WDR11: variants seen among roughly 807,000 people sequenced by gnomAD.
WDR11 encodes the protein WD repeat-containing protein 11.
A neutral mutation model predicts 151.2 loss-of-function variants in WDR11; 83 were observed. The ratio of observed to expected loss-of-function variants is 0.55; its 90% CI spans 0.46 to 0.66. The LOEUF is 0.66. Ranked by LOEUF, WDR11 falls within the 30% of genes least tolerant of loss-of-function variation. The pLI, the probability that WDR11 is intolerant of heterozygous loss-of-function variation, is 0.00. For synonymous variants in WDR11, 484 were observed against 533.1 expected (o/e 0.91, Z 1.27); for missense variants, 1,301 against 1,480.9 (o/e 0.88, Z 1.99).
intron 16 of WDR11, 150 bp downstream of exon 16, chr10:120,886,986 T>A: frequency 2.4e-6 from 2 of 833,474 alleles, no homozygotes; most frequent in Non-Finnish European, 3.8e-6. Flanking sequence ...ACTTGTTCCA[T>A]ACTGCTAGAG....
rs1204874037 is a variant in WDR11, at chr10:120,867,186, T to A, written c.1294+17T>A. The stretch of plus-strand genomic sequence containing the variant: ...ACATGATTGGTAAGCTTTTTTCCCC[T>A]CTAACTCCATGTTAAGTATTCTTTC... On this transcript the variant is annotated intron_variant, in intron 9 of 28. Coordinates refer to ENST00000263461, the MANE Select transcript of WDR11 (RefSeq NM_018117.12). 2 of 1,562,228 alleles carry A rather than the reference T, an allele frequency of 1.3e-6. No homozygotes were observed. The highest frequency in any genetic ancestry group is 1.8e-6 in the Non-Finnish European group (2 of 1,132,984).
chr10:120,890,979 C>G, intron 19 of WDR11, 92 bp downstream of exon 19: 1 of 1,317,100 alleles, frequency 7.6e-7, no homozygotes, highest in Admixed American at 1.8e-5. Context: ...GCTTCTGTTT[C>G]ATTTCAGTCT....
At chr10:120,865,379 ATTGGT>A (rs1846277642) in intron 6 of WDR11, among the ~76,000 whole-genome samples, 167 bp downstream of exon 6, 1 of 152,012 alleles carries the variant, frequency 6.6e-6, no homozygotes, top group Non-Finnish European at 1.5e-5. Flanking sequence ...TGCACTTTTG[ATTGGT>A]TTGATTTACC....
chr10:120,905,668 C>A, intron 26 of WDR11: 1 of 928,050 alleles, frequency 1.1e-6, no homozygotes, highest in Non-Finnish European at 1.6e-6. Flanking sequence ...TGAGCCGAAA[C>A]TACAGTCCAG....
At chr10:120,889,278 C>T in intron 17 of WDR11, 94 bp downstream of exon 17, 1 of 905,820 alleles carries the variant, frequency 1.1e-6, no homozygotes, top group African/African-American at 1.7e-5. Flanking sequence ...TGCTCTGTCG[C>T]CCAGGCTGGA....
In WDR11 at chr10:120,886,840, A is replaced by C; in HGVS notation, c.2121+4A>C. 1.9e-6 allele frequency: 3 copies of C among 1,614,016 alleles called. No homozygotes were observed. Among genetic ancestry groups the C allele is most frequent in the Non-Finnish European group, 2.5e-6 (3 of 1,179,932 alleles). ...CAGTGCTCGGATTCCACCAGATGTGAGTACAACCTTGATTAAATCTTCATC... is the reference window on the plus strand; with the variant it reads ...CAGTGCTCGGATTCCACCAGATGTGCGTACAACCTTGATTAAATCTTCATC... On this transcript the variant is annotated splice_donor_region_variant and intron_variant, in intron 16 of 28. Coordinates refer to ENST00000263461, the MANE Select transcript of WDR11 (RefSeq NM_018117.12).
chr10:120,906,213 T>C (rs1413828498), intron 27 of WDR11, 192 bp downstream of exon 27: 14 of 1,464,250 alleles, frequency 9.6e-6, no homozygotes, highest in East Asian at 7.6e-5. Context: ...GTCTAGGAGC[T>C]ATGCTAGTTT....
rs766073172 is a variant in WDR11, at chr10:120,858,646, A to C, written c.202A>C (p.Lys68Gln). 3 of 1,614,234 alleles carry C rather than the reference A, an allele frequency of 1.9e-6. No homozygotes were observed. The East Asian group carries it at 6.7e-5, about 36-fold the overall frequency. ...ATCTGATTTCTTCTTGATACAGGTT[A>C]AATGGGCCAGGGAAAACTATCACCA... ...EKHKADVVKV[K>Q]WARENYHHNI... Residue 68 changes from lysine (K) to glutamine (Q), a missense_variant, in exon 3 of 29, where the codon AAA (lysine) becomes CAA (glutamine). Coordinates refer to ENST00000263461, the MANE Select transcript of WDR11 (RefSeq NM_018117.12).
At position 120,890,696 on chromosome 10, in the gene WDR11, G is replaced by A. The variant is rs758600413; in HGVS notation, c.2344-20G>A. On this transcript the variant is annotated intron_variant, in intron 18 of 28. Coordinates refer to ENST00000263461, the MANE Select transcript of WDR11 (RefSeq NM_018117.12). ...TCTTCCTTTTCTGTCTGGAAGTGATGCCCAAATTCACTCTTGAAGGTTCAG... is the reference window on the plus strand; with the variant it reads ...TCTTCCTTTTCTGTCTGGAAGTGATACCCAAATTCACTCTTGAAGGTTCAG... 46 of 1,613,968 alleles carry A rather than the reference G, an allele frequency of 2.9e-5. No individual in the cohort carries two copies. Among genetic ancestry groups the A allele is most frequent in the Admixed American group, 2.5e-4 (15 of 60,006 alleles).
chr10:120,865,997 G>A (rs1415055153), intron 7 of WDR11, among the ~76,000 whole-genome samples: 1 of 151,672 alleles, frequency 6.6e-6, no homozygotes. Context: ...GAGCCAAGTA[G>A]ATATTATTTT....
chr10:120,866,446 G>A lies in WDR11; in HGVS notation c.995-123G>A, dbSNP rs1207225468. 6 of 1,070,496 alleles carry A rather than the reference G, an allele frequency of 5.6e-6. No homozygotes were observed. In the Admixed American group the frequency reaches 9.1e-5, roughly 16 times the overall value. The allele number at this position is 1,070,496 out of a possible 1,614,324, so 66.3% of individuals were successfully genotyped here. A position where few individuals can be genotyped will look rare whatever the true frequency, so the allele number is the denominator to read the frequency against. On this transcript the variant is annotated intron_variant, in intron 7 of 28. Coordinates refer to ENST00000263461, the MANE Select transcript of WDR11 (RefSeq NM_018117.12). The stretch of plus-strand genomic sequence containing the variant: ...TAGTAATTGTAAAAAGTGAAGCCAT[G>A]CTTGACATTGCATTCATGAAGGAGT...
chr10:120,873,226 A>C (rs1057071504), intron 10 of WDR11, among the ~76,000 whole-genome samples: 1 of 152,194 alleles, frequency 6.6e-6, no homozygotes, highest in Non-Finnish European at 1.5e-5. Flanking sequence ...ATCTCCAACA[A>C]CTAGATTTTC....
At chr10:120,896,482 G>A (rs1847619104) in intron 19 of WDR11, among the ~76,000 whole-genome samples, 4 of 152,036 alleles carry the variant, frequency 2.6e-5, no homozygotes, top group Non-Finnish European at 5.9e-5. Context: ...TTGAATGCAA[G>A]ACACAGTTGA....
At chr10:120,863,896 A>G in intron 5 of WDR11, among the ~76,000 whole-genome samples, 1 of 152,180 alleles carries the variant, frequency 6.6e-6, no homozygotes, top group East Asian at 1.9e-4. Context: ...TGCCAAAATG[A>G]CTTAAGATTA....
intron 9 of WDR11, among the ~76,000 whole-genome samples, chr10:120,870,611 T>A (rs931441211): frequency 1.3e-5 from 2 of 152,178 alleles, no homozygotes; most frequent in East Asian, 3.8e-4. Context: ...TATGAATATA[T>A]ATATTTGTAT....
chr10:120,874,190 T>TGTTG lies in WDR11; in HGVS notation c.1556+267_1556+268insGTTG, dbSNP rs1554854854. On this transcript the variant is annotated intron_variant, in intron 11 of 28. Coordinates refer to ENST00000263461, the MANE Select transcript of WDR11 (RefSeq NM_018117.12). ...CGGTTTTTGCAGTTTTTTTTTTTTT[T>TGTTG]TTGTTGTTGTTGTTGTTGTTTGTTT... Among the ~76,000 whole-genome samples, 370 of 105,118 alleles carry TGTTG rather than the reference T, an allele frequency of 3.5e-3. 7 individuals carry two copies. Among genetic ancestry groups the TGTTG allele is most frequent in the East Asian group, 0.011 (37 of 3,506 alleles). The allele number at this position is 105,118 out of a possible 152,430, so 69.0% of individuals were successfully genotyped here. A position where few individuals can be genotyped will look rare whatever the true frequency, so the allele number is the denominator to read the frequency against.
rs1343012754 is a variant in WDR11, at chr10:120,909,206, T to C, written c.*493T>C. The stretch of plus-strand genomic sequence containing the variant: ...TTAAAGGTAGTTTACCAAAGCATTT[T>C]TTGTTTTCTTACCTTGAAAACACAG... On this transcript the variant is annotated 3_prime_UTR_variant, in exon 29 of 29. Coordinates refer to ENST00000263461, the MANE Select transcript of WDR11 (RefSeq NM_018117.12). 6.3e-6 allele frequency: 1 copy of C among 158,972 alleles called. No individual in the cohort carries two copies. Among genetic ancestry groups the C allele is most frequent in the Non-Finnish European group, 1.4e-5 (1 of 71,660 alleles). 9.8% of individuals were successfully genotyped at this position (158,972 alleles called of 1,614,324 possible).
intron 28 of WDR11, chr10:120,907,864 G>A (rs1848124184): frequency 6.8e-6 from 1 of 146,038 alleles, no homozygotes; most frequent in African/African-American, 2.6e-5. Flanking sequence ...GGCTGGTCTT[G>A]AACTCCTAGT....
At chr10:120,851,956 C>T in intron 1 of WDR11, 1 of 236,970 alleles carries the variant, frequency 4.2e-6, no homozygotes, top group South Asian at 5.6e-5. Context: ...GTCCTTTTCA[C>T]CTCTTTTCGG....
Sources: allele counts gnomAD v4.1 joint callset (sites outside exome capture counted in the v4.1 genomes callset), GRCh38; gene constraint gnomAD v4.1.1; transcripts MANE v1.5; gene names NCBI Gene and HGNC (gene_info 2026-07-23, HGNC 2026-07-21).